Variants in SH3TC1 observed in about 807,000 individuals in gnomAD.
SH3TC1 encodes SH3 domain and tetratricopeptide repeat-containing protein 1.
Under a neutral mutation model 117.3 loss-of-function variants are expected in SH3TC1, and 135 were observed. The ratio of observed to expected loss-of-function variants is 1.15; its 90% confidence interval spans 1.00 to 1.33. The LOEUF (loss-of-function observed/expected upper bound fraction) is 1.33, where lower values mean the gene tolerates loss of function less well. Ranked by LOEUF, SH3TC1 falls within the 40% of genes most tolerant of loss-of-function variation. SH3TC1 has a pLI of 0.00. For missense variants in SH3TC1, 2,092 were observed against 1,794.3 expected, an observed-to-expected ratio of 1.17 and a Z score of -3.00; for synonymous variants, 898 against 816.9, an observed-to-expected ratio of 1.10 and a Z score of -1.69.
In SH3TC1 at chr4:8,186,488, T is replaced by C. The variant is rs1717225874; in HGVS notation, c.-57+4278T>C. 6.6e-6 allele frequency among the ~76,000 whole-genome samples: 1 copy of C among 152,080 alleles called. No individual in the cohort carries two copies. On this transcript the variant is annotated intron_variant, in intron 1 of 16. Coordinates refer to the SH3TC1 transcript ENST00000508641. The surrounding 1 kb of genome is among the most constrained non-coding windows in gnomAD (Gnocchi z 5.2). ...GTCGAGTGTGAATTGTGAGTAAAAA[T>C]AGCAGGTCCACGTTGGTTTACTGAA...
intron 5 of SH3TC1, chr4:8,215,319 C>G: frequency 2.2e-6 from 1 of 445,366 alleles, no homozygotes; most frequent in Non-Finnish European, 4.6e-6. Flanking sequence ...GGGGATCTTG[C>G]GACACCACCC....
rs547794228 is a variant in SH3TC1, at chr4:8,207,814, C to T, written c.173-1934C>T. On this transcript the variant is annotated intron_variant, in intron 2 of 17. Coordinates refer to ENST00000245105, the MANE Select transcript of SH3TC1 (RefSeq NM_018986.5). ...ACTTTCCCTGCCATAGCCCTGGGATCGGCCATATCCACAGCCCCGTGTTTC... is the reference window on the plus strand; with the variant it reads ...ACTTTCCCTGCCATAGCCCTGGGATTGGCCATATCCACAGCCCCGTGTTTC... Among the ~76,000 whole-genome samples, 4 of 152,292 alleles carry T rather than the reference C, an allele frequency of 2.6e-5. No homozygotes were observed. In the South Asian group the frequency reaches 6.2e-4, roughly 24 times the overall value.
At chr4:8,214,124 A>G (rs1049738773) in intron 4 of SH3TC1, among the ~76,000 whole-genome samples, 9 of 152,120 alleles carry the variant, frequency 5.9e-5, no homozygotes, top group African/African-American at 2.2e-4. Flanking sequence ...CAGGGCTGAG[A>G]GCACAGCCGA....
intron 14 of SH3TC1, among the ~76,000 whole-genome samples, chr4:8,234,358 C>T (rs1721600184): frequency 6.6e-6 from 1 of 151,992 alleles, no homozygotes; most frequent in Non-Finnish European, 1.5e-5. Flanking sequence ...ATTTGTTTAT[C>T]CATACATTCG....
rs907008199 is a variant in SH3TC1, at chr4:8,216,017, A to G, written c.482-94A>G. On this transcript the variant is annotated intron_variant, in intron 5 of 17. Coordinates refer to ENST00000245105, the MANE Select transcript of SH3TC1 (RefSeq NM_018986.5). ...TTCCATGGTCTCCCTGGACCTGGTC[A>G]GTGCAGGGCTCAGCCGACCTGGGAC... The G allele has an allele frequency of 1.5e-5, 21 of 1,433,876 alleles. No individual in the cohort carries two copies. In the African/African-American group the frequency reaches 2.4e-4, roughly 16 times the overall value. 88.8% of individuals were successfully genotyped at this position (1,433,876 alleles called of 1,614,324 possible). A position where few individuals can be genotyped will look rare whatever the true frequency, so the allele number is the denominator to read the frequency against.
rs1191034256 is a variant in SH3TC1 at position 8,192,539 on chromosome 4, G to T, written c.-57+10329G>T. On this transcript the variant is annotated intron_variant, in intron 1 of 16. Transcript: ENST00000508641. The surrounding 1 kb of genome is among the most constrained non-coding windows in gnomAD (Gnocchi z 4.1). The stretch of plus-strand genomic sequence containing the variant: ...GATGGAGTCTCACTCTGTTGCCCAG[G>T]CTGGAGTGCCGTGGCATGATCTCAG... Among the ~76,000 whole-genome samples, 2 of 150,052 alleles carry T rather than the reference G, an allele frequency of 1.3e-5. No homozygotes were observed.
At chr4:8,215,218 A>G (rs1329563833) in intron 5 of SH3TC1, 1 of 456,120 alleles carries the variant, frequency 2.2e-6, no homozygotes, top group East Asian at 6.9e-5. Flanking sequence ...TGACCGGGAA[A>G]GCTGTTATTT....
rs772158589 is a variant in SH3TC1 at position 8,183,393 on chromosome 4, C to T, written c.-57+1183C>T. Reference sequence around the variant, plus strand: ...ATGACCAGAAACCGGCCCTGCCCCACGCATCTCTGTGATTAACTCACTCCC... The same window carrying T: ...ATGACCAGAAACCGGCCCTGCCCCATGCATCTCTGTGATTAACTCACTCCC... On this transcript the variant is annotated intron_variant, in intron 1 of 16. Transcript: ENST00000508641. The surrounding 1 kb of genome is among the most constrained non-coding windows in gnomAD (Gnocchi z 5.4). Among the ~76,000 whole-genome samples, 4 of 152,116 alleles carry T rather than the reference C, an allele frequency of 2.6e-5. No homozygotes were observed. Among genetic ancestry groups the T allele is most frequent in the Admixed American group, 6.5e-5 (1 of 15,282 alleles).
intron 13 of SH3TC1, chr4:8,232,646 G>A: frequency 7.7e-7 from 1 of 1,300,646 alleles, no homozygotes; most frequent in Non-Finnish European, 1.0e-6. Flanking sequence ...TGGCCCACTT[G>A]GCTCTCCTGG....
chr4:8,227,455 G>C lies in SH3TC1; in HGVS notation c.1761G>C (p.Leu587=). 1.3e-6 allele frequency: 2 copies of C among 1,563,502 alleles called. No individual in the cohort carries two copies. Among genetic ancestry groups the C allele is most frequent in the Non-Finnish European group, 1.7e-6 (2 of 1,159,198 alleles). ...SQARVYFEEA[L]GALEGSFGDL... is the part of the protein sequence containing the mutation. ...CCCGGGTGTACTTTGAGGAAGCGCT[G>C]GGGGCCCTGGAGGGCAGCTTCGGGG... The change falls in exon 12 of 18, where the codon CTG becomes CTC. Residue 587 remains leucine, a synonymous_variant. Transcript: ENST00000245105.
rs1011722777 is a variant in SH3TC1 at position 8,232,161 on chromosome 4, G to A, written c.3131+5G>A. 1 of 1,348,570 alleles carries A rather than the reference G, an allele frequency of 7.4e-7. No homozygotes were observed. Among genetic ancestry groups the A allele is most frequent in the South Asian group, 1.2e-5 (1 of 86,120 alleles). 83.5% of individuals were successfully genotyped at this position (1,348,570 alleles called of 1,614,324 possible). On this transcript the variant is annotated splice_donor_5th_base_variant and intron_variant, in intron 13 of 17. Coordinates refer to ENST00000245105, the MANE Select transcript of SH3TC1 (RefSeq NM_018986.5). ...CCTGTCCCTGGGCACCGAGCGGTGA[G>A]GGCTGGCTCTGTGGTGGTGGGGGCG...
intron 3 of SH3TC1, among the ~76,000 whole-genome samples, chr4:8,212,037 TG>T (rs1176887289): frequency 1.6e-4 from 24 of 146,132 alleles, no homozygotes. Flanking sequence ...GGGGCAGGAG[TG>T]GGGTGGGGGG....
chr4:8,227,203 GCTGTTCCTGAACGCCC>G lies in SH3TC1; in HGVS notation c.1513_1528del (p.Phe505GlyfsTer17). 2 of 1,565,816 alleles carry G rather than the reference GCTGTTCCTGAACGCCC, an allele frequency of 1.3e-6. No individual in the cohort carries two copies. Among genetic ancestry groups the G allele is most frequent in the Non-Finnish European group, 1.7e-6 (2 of 1,152,906 alleles). ...ACCCAGAGGCCCTGAGCTCACTGCT[GCTGTTCCTGAACGCCC>G]CTGGGTACAAGGCCAGCTTCCGTGG... On this transcript the variant is annotated frameshift_variant, in exon 12 of 18. Transcript: ENST00000245105. LOFTEE classifies it high-confidence loss of function.
At chr4:8,191,511 G>A (rs578231137) in intron 1 of SH3TC1, among the ~76,000 whole-genome samples, 1 of 152,248 alleles carries the variant, frequency 6.6e-6, no homozygotes, top group Non-Finnish European at 1.5e-5. Flanking sequence ...TCAGGGGCCG[G>A]TTTCAGCAGC....
At chr4:8,214,136 C>G (rs1266449668) in intron 4 of SH3TC1, among the ~76,000 whole-genome samples, 1 of 152,094 alleles carries the variant, frequency 6.6e-6, no homozygotes, top group Non-Finnish European at 1.5e-5. Context: ...CACAGCCGAA[C>G]AGGGACCAGC....
At position 8,231,758 on chromosome 4, in the gene SH3TC1, A is replaced by G. The variant is rs574481398; in HGVS notation, c.2951-218A>G. ...CCTGGTGCAGGGGCCAAGCTCGGCT[A>G]GGGCCTCAGCCCTGGGAGTTGTAAA... On this transcript the variant is annotated intron_variant, in intron 12 of 17. Coordinates refer to ENST00000245105, the MANE Select transcript of SH3TC1 (RefSeq NM_018986.5). 7.2e-5 allele frequency: 41 copies of G among 572,254 alleles called. No individual in the cohort carries two copies. The Admixed American group carries it at 9.2e-4, about 13-fold the overall frequency. The allele number at this position is 572,254 out of a possible 1,614,324, so 35.4% of individuals were successfully genotyped here.
chr4:8,215,918 C>T (rs934148868), intron 5 of SH3TC1, among the ~76,000 whole-genome samples, 193 bp from the exon 6 acceptor site: 1 of 136,098 alleles, frequency 7.3e-6, no homozygotes, highest in South Asian at 2.5e-4. Flanking sequence ...CTTGACCTCT[C>T]ACAGCCCGGG....
At chr4:8,188,422 C>T (rs1015126684) in intron 1 of SH3TC1, among the ~76,000 whole-genome samples, 2 of 152,248 alleles carry the variant, frequency 1.3e-5, no homozygotes, top group Non-Finnish European at 2.9e-5. Context: ...GACTGCTCTC[C>T]TTTGTGGGAC....
intron 1 of SH3TC1, among the ~76,000 whole-genome samples, chr4:8,182,625 G>A (rs1443712290): frequency 1.3e-5 from 2 of 152,150 alleles, no homozygotes; most frequent in Non-Finnish European, 2.9e-5. Flanking sequence ...TCCACCCTCC[G>A]TGCCTCAGTT....
Sources: allele counts gnomAD v4.1 joint callset (sites outside exome capture counted in the v4.1 genomes callset), GRCh38; gene constraint gnomAD v4.1.1; non-coding constraint Gnocchi (gnomAD v3.1); transcripts MANE v1.5; gene names NCBI Gene and HGNC (gene_info 2026-07-23, HGNC 2026-07-21).